Variants in PTGFRN observed in about 807,000 individuals in gnomAD.
PTGFRN encodes the protein prostaglandin F2 receptor negative regulator.
Under a neutral mutation model 83.2 loss-of-function variants are expected in PTGFRN, and 35 were observed. That is an observed-to-expected ratio of 0.42 (90% CI 0.32 to 0.56). PTGFRN has a LOEUF of 0.56. PTGFRN is among the 20% of genes least tolerant of loss of function. The pLI, the probability that PTGFRN is intolerant of heterozygous loss-of-function variation, is 0.11. For missense variants in PTGFRN, 1,051 were observed against 1,179.5 expected, an observed-to-expected ratio of 0.89 and a Z score of 1.60; for synonymous variants, 519 against 498.6, an observed-to-expected ratio of 1.04 and a Z score of -0.55.
intron 7 of PTGFRN, among the ~76,000 whole-genome samples, chr1:116,983,282 G>T (rs1651372020): frequency 6.6e-6 from 1 of 152,116 alleles, no homozygotes; most frequent in South Asian, 2.1e-4. Context: ...AGGCACAGCG[G>T]GGATCAGGGC....
rs1651520333 is a variant in PTGFRN, at chr1:116,987,104, C to T, written c.*137C>T. 4.0e-6 allele frequency: 4 copies of T among 996,486 alleles called. No homozygotes were observed. The highest frequency in any genetic ancestry group is 5.8e-6 in the Non-Finnish European group (4 of 685,454). 61.7% of individuals were successfully genotyped at this position (996,486 alleles called of 1,614,324 possible). A position where few individuals can be genotyped will look rare whatever the true frequency, so the allele number is the denominator to read the frequency against. On this transcript the variant is annotated 3_prime_UTR_variant, in exon 9 of 9. Transcript: ENST00000393203. ...TCTCAGGTGGGACTTGGCGCTCTCT[C>T]TTTTCTGCATGTCAAGTTCTGAGCG...
At chr1:116,935,031 G>A (rs978068400) in intron 1 of PTGFRN, among the ~76,000 whole-genome samples, 2 of 152,114 alleles carry the variant, frequency 1.3e-5, no homozygotes, top group African/African-American at 4.8e-5. Flanking sequence ...ATTGTGAAAT[G>A]GTCAAAAATT....
intron 1 of PTGFRN, among the ~76,000 whole-genome samples, chr1:116,912,872 A>G (rs555995908): frequency 1.3e-5 from 2 of 152,206 alleles, no homozygotes; most frequent in East Asian, 1.9e-4. Context: ...CTGCGTATTA[A>G]TATTTCCTTT....
chr1:116,914,214 A>G (rs779546813), intron 1 of PTGFRN, among the ~76,000 whole-genome samples: 2 of 152,198 alleles, frequency 1.3e-5, no homozygotes, highest in Non-Finnish European at 2.9e-5. Flanking sequence ...CGTCATCACC[A>G]TTCCAGCCCC....
At chr1:116,947,043 T>G (rs181850672) in intron 3 of PTGFRN, among the ~76,000 whole-genome samples, 3 of 152,288 alleles carry the variant, frequency 2.0e-5, no homozygotes, top group African/African-American at 7.2e-5. Context: ...CAGGTACAGA[T>G]TAATAAAAAT....
intron 1 of PTGFRN, among the ~76,000 whole-genome samples, chr1:116,912,284 G>T (rs1649291193): frequency 6.6e-6 from 1 of 152,146 alleles, no homozygotes; most frequent in Admixed American, 6.5e-5. Context: ...ACAGTTCTCT[G>T]AACCATTGAT....
chr1:116,961,168 T>C lies in PTGFRN; in HGVS notation c.1214-75T>C. ...ATTGTTAAAACAAGAGCAGTCCTTG[T>C]CTCATTCCTTTTGTTAATTCTTGCC... On this transcript the variant is annotated intron_variant, in intron 4 of 8. Coordinates refer to ENST00000393203, the MANE Select transcript of PTGFRN (RefSeq NM_020440.4). This position sits in a 1 kb window ranked among gnomAD's most constrained non-coding sequence, Gnocchi z 5.4. The C allele has an allele frequency of 2.1e-6, 3 of 1,422,784 alleles. No homozygotes were observed. Among genetic ancestry groups the C allele is most frequent in the South Asian group, 1.6e-5 (1 of 62,170 alleles). The allele number at this position is 1,422,784 out of a possible 1,614,324, so 88.1% of individuals were successfully genotyped here. A position where few individuals can be genotyped will look rare whatever the true frequency, so the allele number is the denominator to read the frequency against.
chr1:116,971,818 C>T (rs763648010), intron 6 of PTGFRN, among the ~76,000 whole-genome samples: 1 of 152,086 alleles, frequency 6.6e-6, no homozygotes, highest in African/African-American at 2.4e-5. Context: ...GAAATTTGTT[C>T]GAATTAAGTA....
intron 3 of PTGFRN, among the ~76,000 whole-genome samples, chr1:116,948,681 C>A (rs1373016087): frequency 2.0e-5 from 3 of 152,222 alleles, no homozygotes; most frequent in Admixed American, 1.3e-4. Flanking sequence ...TCTGTAAAAT[C>A]ACCCAAGTTT....
At position 116,923,732 on chromosome 1, in the gene PTGFRN, T is replaced by C. The variant is rs778867233; in HGVS notation, c.49+13480T>C. 7.2e-5 allele frequency among the ~76,000 whole-genome samples: 11 copies of C among 152,130 alleles called. No homozygotes were observed. Among genetic ancestry groups the C allele is most frequent in the Non-Finnish European group, 1.5e-4 (10 of 68,028 alleles). On this transcript the variant is annotated intron_variant, in intron 1 of 8. Coordinates refer to ENST00000393203, the MANE Select transcript of PTGFRN (RefSeq NM_020440.4). The surrounding 1 kb of genome is among the most constrained non-coding windows in gnomAD (Gnocchi z 4.0). The stretch of plus-strand genomic sequence containing the variant: ...ATGGATCATCTGCTTGTCATCACTG[T>C]TCTAGGGAGCAGCCCACACTGAGCC...
At chr1:116,948,027 G>A (rs1233726790) in intron 3 of PTGFRN, among the ~76,000 whole-genome samples, 3 of 152,224 alleles carry the variant, frequency 2.0e-5, no homozygotes, top group South Asian at 2.1e-4. Context: ...AGTAATTTAC[G>A]CCAAGGAGCA....
Position 116,986,786 on chromosome 1 carries a change from A to G in PTGFRN, c.2474-15A>G, listed in dbSNP as rs1418988481. The G allele has an allele frequency of 6.2e-7, 1 of 1,613,050 alleles. No individual in the cohort carries two copies. Among genetic ancestry groups the G allele is most frequent in the Non-Finnish European group, 8.5e-7 (1 of 1,179,582 alleles). On this transcript the variant is annotated splice_polypyrimidine_tract_variant and intron_variant, in intron 8 of 8. Coordinates refer to ENST00000393203, the MANE Select transcript of PTGFRN (RefSeq NM_020440.4). ...GCAGCACTGACTGGCTTCCCCTTTG[A>G]TCTCTCCCTCCCAGTGCTGAACGCC...
At position 116,961,841 on chromosome 1, in the gene PTGFRN, C is replaced by T. The variant is rs1048610404; in HGVS notation, c.1639+173C>T. Among the ~76,000 whole-genome samples the T allele has an allele frequency of 6.6e-6, 1 of 152,202 alleles. No individual in the cohort carries two copies. The highest frequency in any genetic ancestry group is 1.5e-5 in the Non-Finnish European group (1 of 68,034). On this transcript the variant is annotated intron_variant, in intron 5 of 8. Coordinates refer to ENST00000393203, the MANE Select transcript of PTGFRN (RefSeq NM_020440.4). This position sits in a 1 kb window ranked among gnomAD's most constrained non-coding sequence, Gnocchi z 5.4. ...ATGCTCTTTGGACTCACTATCACCC[C>T]TCCTCTGTCCCCAAGCCCCAGAGAG...
intron 1 of PTGFRN, among the ~76,000 whole-genome samples, chr1:116,927,982 T>C (rs1212419516): frequency 1.3e-5 from 2 of 152,176 alleles, no homozygotes; most frequent in East Asian, 3.8e-4. Context: ...TTTCCAGATA[T>C]AAATGGCAGG....
chr1:116,951,859 A>G (rs1446234813), intron 4 of PTGFRN, among the ~76,000 whole-genome samples: 2 of 152,156 alleles, frequency 1.3e-5, no homozygotes, highest in Admixed American at 6.5e-5. Context: ...CTAGATATGT[A>G]ATGTGCATGT....
chr1:116,940,046 A>T (rs1175944735), intron 1 of PTGFRN, among the ~76,000 whole-genome samples: 1 of 152,230 alleles, frequency 6.6e-6, no homozygotes, highest in African/African-American at 2.4e-5. Context: ...AGGAAGTTCC[A>T]AACTTTCCCA....
At chr1:116,978,584 A>C (rs1570679086) in intron 7 of PTGFRN, among the ~76,000 whole-genome samples, 1 of 152,296 alleles carries the variant, frequency 6.6e-6, no homozygotes. Flanking sequence ...AAATCAATAA[A>C]TGTAATCCAG....
intron 7 of PTGFRN, among the ~76,000 whole-genome samples, 196 bp from the exon 8 acceptor site, chr1:116,984,484 A>G (rs1336888208): frequency 5.3e-5 from 8 of 152,196 alleles, no homozygotes. Context: ...TTGAGCAGGT[A>G]TATAGTCTGG....
intron 4 of PTGFRN, among the ~76,000 whole-genome samples, chr1:116,959,332 GGT>G (rs1175377439): frequency 6.6e-6 from 1 of 152,094 alleles, no homozygotes; most frequent in Non-Finnish European, 1.5e-5. Context: ...ATTTCTCTAT[GGT>G]GTCCACATCA....
Sources: gnomAD v4.1 joint callset for allele counts (sites outside exome capture counted in the v4.1 genomes callset) on GRCh38, gnomAD v4.1.1 for gene constraint, Gnocchi (gnomAD v3.1) non-coding constraint, MANE v1.5 for transcripts, NCBI Gene and HGNC (gene_info 2026-07-23, HGNC 2026-07-21) for gene names.